The following EPHB1 variants were observed in gnomAD, a reference collection of about 807,000 sequenced individuals.
The protein encoded by EPHB1 is EPH receptor B1, also known as ephrin type-B receptor 1.
EPHB1 carries 30 observed loss-of-function variants against 94.4 expected under a neutral mutation model. That is an observed-to-expected ratio of 0.32 (90% CI 0.24 to 0.43). The LOEUF is 0.43. Ranked by LOEUF, EPHB1 falls within the 20% of genes least tolerant of loss-of-function variation. The pLI is 1.00. For missense variants in EPHB1, 1,055 were observed against 1,308.3 expected (o/e 0.81, Z 2.99); for synonymous variants, 522 against 489.1 (o/e 1.07, Z -0.89).
intron 1 of EPHB1, among the ~76,000 whole-genome samples, chr3:134,894,611 T>C (rs2107686809): frequency 6.6e-6 from 1 of 152,298 alleles, no homozygotes; most frequent in Admixed American, 6.5e-5. Context: ...GAAAGAGGGC[T>C]CTGGAAGAAC....
chr3:134,903,184 T>C (rs925341765), intron 1 of EPHB1, among the ~76,000 whole-genome samples: 2 of 152,248 alleles, frequency 1.3e-5, no homozygotes, highest in African/African-American at 4.8e-5. Flanking sequence ...GGCACTCCAC[T>C]TGGAGCTCTG....
chr3:134,962,652 T>G (rs550365790), intron 3 of EPHB1, among the ~76,000 whole-genome samples: 1 of 152,270 alleles, frequency 6.6e-6, no homozygotes, highest in Non-Finnish European at 1.5e-5. Context: ...CGCATGCATC[T>G]CTCAGCTCTC....
chr3:135,223,810 G>A (rs968104778), intron 12 of EPHB1, among the ~76,000 whole-genome samples: 5 of 152,110 alleles, frequency 3.3e-5, no homozygotes, highest in Non-Finnish European at 7.4e-5. Flanking sequence ...TGATGAATAA[G>A]TCTACACCAT....
intron 9 of EPHB1, among the ~76,000 whole-genome samples, chr3:135,179,274 A>G (rs1942081776): frequency 6.6e-6 from 1 of 151,876 alleles, no homozygotes; most frequent in South Asian, 2.1e-4. Context: ...TCTTTTCTCT[A>G]TTAGTATTTT....
chr3:135,128,874 A>G (rs1364403864), intron 4 of EPHB1, among the ~76,000 whole-genome samples: 1 of 152,084 alleles, frequency 6.6e-6, no homozygotes, highest in Non-Finnish European at 1.5e-5. Flanking sequence ...ACAAATATGC[A>G]CTGGCACTTG....
intron 3 of EPHB1, among the ~76,000 whole-genome samples, chr3:135,037,856 C>T (rs1205839621): frequency 6.6e-6 from 1 of 152,152 alleles, no homozygotes; most frequent in African/African-American, 2.4e-5. Flanking sequence ...TTTTCTCTGC[C>T]TCCTCAGACA....
At chr3:135,102,172 T>C (rs956497056) in intron 3 of EPHB1, among the ~76,000 whole-genome samples, 1 of 152,216 alleles carries the variant, frequency 6.6e-6, no homozygotes, top group African/African-American at 2.4e-5. Flanking sequence ...CTGAAATGTG[T>C]TTGGTTAGGC....
chr3:135,037,173 T>G (rs1559804323), intron 3 of EPHB1, among the ~76,000 whole-genome samples: 1 of 152,200 alleles, frequency 6.6e-6, no homozygotes, highest in Non-Finnish European at 1.5e-5. Flanking sequence ...TAGAGGGTTT[T>G]CTGTGCAGCA....
chr3:134,896,941 T>A (rs1406365781), intron 1 of EPHB1, among the ~76,000 whole-genome samples: 1 of 152,150 alleles, frequency 6.6e-6, no homozygotes, highest in Non-Finnish European at 1.5e-5. Flanking sequence ...TCCTGGTGAG[T>A]GTCATGCTCC....
At chr3:134,801,053 G>T (rs954234208) in intron 1 of EPHB1, among the ~76,000 whole-genome samples, 5 of 152,178 alleles carry the variant, frequency 3.3e-5, no homozygotes, top group Non-Finnish European at 5.9e-5. Flanking sequence ...GGGAGGGAAG[G>T]GTTCTAGTGC....
intron 3 of EPHB1, among the ~76,000 whole-genome samples, chr3:135,013,521 G>T (rs2107750010): frequency 6.6e-6 from 1 of 152,332 alleles, no homozygotes; most frequent in African/African-American, 2.4e-5. Flanking sequence ...GACAATCTTA[G>T]GGTGAGAGCA....
chr3:134,846,258 G>C (rs116746885), intron 1 of EPHB1, among the ~76,000 whole-genome samples: 1,902 of 152,306 alleles, frequency 0.012, 20 homozygotes, highest in South Asian at 0.038. Flanking sequence ...CATTTTAGAA[G>C]TTGAGTGCTC....
At chr3:135,003,169 C>T (rs1442239977) in intron 3 of EPHB1, among the ~76,000 whole-genome samples, 35 of 149,962 alleles carry the variant, frequency 2.3e-4, no homozygotes, top group African/African-American at 8.0e-4. Flanking sequence ...TCTTTGTTCT[C>T]GTTGGTTTCA....
At chr3:135,102,273 A>T (rs530941904) in intron 3 of EPHB1, among the ~76,000 whole-genome samples, 1 of 152,308 alleles carries the variant, frequency 6.6e-6, no homozygotes, top group Non-Finnish European at 1.5e-5. Flanking sequence ...ACCACTCTGC[A>T]CTGTGTGACT....
intron 2 of EPHB1, among the ~76,000 whole-genome samples, chr3:134,946,132 T>C (rs1171148773): frequency 1.3e-5 from 2 of 152,178 alleles, no homozygotes; most frequent in Non-Finnish European, 2.9e-5. Context: ...TGCTGGTCTG[T>C]TCCAACCTAC....
intron 3 of EPHB1, among the ~76,000 whole-genome samples, chr3:135,008,884 A>G: frequency 6.6e-6 from 1 of 152,212 alleles, no homozygotes; most frequent in East Asian, 1.9e-4. Context: ...GAAAGAGTTC[A>G]GTGTGTCTTG....
intron 3 of EPHB1, among the ~76,000 whole-genome samples, chr3:134,962,744 T>G (rs993422817): frequency 6.6e-5 from 10 of 152,108 alleles, no homozygotes; most frequent in Admixed American, 2.6e-4. Flanking sequence ...CTCACCATGT[T>G]GACACCTCCA....
chr3:135,008,882 TCAG>T (rs1935519438), intron 3 of EPHB1, among the ~76,000 whole-genome samples: 2 of 152,178 alleles, frequency 1.3e-5, no homozygotes, highest in Non-Finnish European at 2.9e-5. Flanking sequence ...AAGAAAGAGT[TCAG>T]TGTGTCTTGA....
At chr3:135,105,086 A>C (rs1939162467) in intron 3 of EPHB1, among the ~76,000 whole-genome samples, 1 of 152,232 alleles carries the variant, frequency 6.6e-6, no homozygotes, top group Non-Finnish European at 1.5e-5. Context: ...CATGGAAAGC[A>C]CTTAACAAGA....
Sources: gnomAD v4.1 joint callset for allele counts (sites outside exome capture counted in the v4.1 genomes callset) on GRCh38, gnomAD v4.1.1 for gene constraint, MANE v1.5 for transcripts, NCBI Gene and HGNC (gene_info 2026-07-23, HGNC 2026-07-21) for gene names.